PDLIM5: variants seen among roughly 807,000 people sequenced by gnomAD.
PDLIM5 encodes the protein PDZ and LIM domain 5.
A neutral mutation model predicts 64.2 loss-of-function variants in PDLIM5; 34 were observed. That is an observed-to-expected ratio of 0.53 (90% CI 0.40 to 0.71). PDLIM5 has a LOEUF of 0.71. Among genes scored for constraint, PDLIM5 ranks in the 30% least tolerant of loss-of-function variants. PDLIM5 has a pLI of 0.00. For synonymous variants in PDLIM5, 253 were observed against 269.1 expected, an observed-to-expected ratio of 0.94 and a Z score of 0.59; for missense variants, 683 against 733.6, an observed-to-expected ratio of 0.93 and a Z score of 0.80.
At chr4:94,580,262 C>T (rs763335635) in intron 5 of PDLIM5, among the ~76,000 whole-genome samples, 14 of 152,150 alleles carry the variant, frequency 9.2e-5, no homozygotes, top group South Asian at 4.1e-4. Context: ...TTATTCTGAA[C>T]GTGTACTAAA....
rs114957649 is a variant in PDLIM5 at position 94,459,745 on chromosome 4, T to G, written c.96+4361T>G. On this transcript the variant is annotated intron_variant, in intron 2 of 12. Coordinates refer to ENST00000317968, the MANE Select transcript of PDLIM5 (RefSeq NM_006457.5). Reference sequence around the variant, plus strand: ...TCAGTTTCAGTGGGTGTAAATCTTTTGTTTGTGGGGGTTGGTTTCCTTTAG... The same window carrying G: ...TCAGTTTCAGTGGGTGTAAATCTTTGGTTTGTGGGGGTTGGTTTCCTTTAG... 8.6e-3 allele frequency among the ~76,000 whole-genome samples: 1,305 copies of G among 152,316 alleles called. 17 individuals carry two copies. The highest frequency in any genetic ancestry group is 0.03 in the African/African-American group (1,242 of 41,558).
chr4:94,584,873 G>A, intron 5 of PDLIM5: 1 of 677,208 alleles, frequency 1.5e-6, no homozygotes, highest in African/African-American at 1.8e-5. Flanking sequence ...GTTTGATTTT[G>A]ACTACTATGG....
At chr4:94,563,633 C>T (rs1052901731) in intron 3 of PDLIM5, among the ~76,000 whole-genome samples, 3 of 152,100 alleles carry the variant, frequency 2.0e-5, no homozygotes, top group Non-Finnish European at 4.4e-5. Flanking sequence ...CAATTTAACA[C>T]GTTTAGCCTG....
chr4:94,584,740 A>G (rs1393240755), intron 5 of PDLIM5: 2 of 448,436 alleles, frequency 4.5e-6, no homozygotes, highest in South Asian at 3.9e-5. Context: ...TGAAGATTTG[A>G]TCATTTAATT....
At chr4:94,453,302 G>A (rs1413926585) in intron 1 of PDLIM5, among the ~76,000 whole-genome samples, 1 of 152,176 alleles carries the variant, frequency 6.6e-6, no homozygotes, top group African/African-American at 2.4e-5. Context: ...ATTGCTTGGG[G>A]CAGAGACTGT....
chr4:94,601,959 A>G (rs1002572274), intron 7 of PDLIM5, among the ~76,000 whole-genome samples: 8 of 152,236 alleles, frequency 5.3e-5, no homozygotes, highest in Non-Finnish European at 1.2e-4. Context: ...CATGCCTAGC[A>G]GTTTCCTTGG....
At chr4:94,538,970 T>C (rs1338389513) in intron 3 of PDLIM5, among the ~76,000 whole-genome samples, 1 of 152,128 alleles carries the variant, frequency 6.6e-6, no homozygotes, top group Non-Finnish European at 1.5e-5. Flanking sequence ...TTTGAGATTA[T>C]GAAAAGGAAG....
chr4:94,641,347 G>C (rs1028129140), intron 9 of PDLIM5, among the ~76,000 whole-genome samples: 23 of 152,154 alleles, frequency 1.5e-4, no homozygotes, highest in African/African-American at 4.6e-4. Flanking sequence ...ATGTTTCTAG[G>C]TAATATTTAA....
Position 94,649,525 on chromosome 4 carries a change from A to G in PDLIM5, c.1284-4935A>G, listed in dbSNP as rs548597632. Among the ~76,000 whole-genome samples the G allele has an allele frequency of 5.3e-5, 8 of 152,086 alleles. No individual in the cohort carries two copies. In the South Asian group the frequency reaches 1.7e-3, roughly 32 times the overall value. The stretch of plus-strand genomic sequence containing the variant: ...GCCTTTAATATCTAACATGCCATAT[A>G]TTTTATTTATCTTACTGTCATCTCC... On this transcript the variant is annotated intron_variant, in intron 9 of 12. Transcript: ENST00000317968.
intron 3 of PDLIM5, among the ~76,000 whole-genome samples, chr4:94,567,894 A>T (rs550142693): frequency 6.6e-6 from 1 of 152,322 alleles, no homozygotes; most frequent in South Asian, 2.1e-4. Context: ...AATGGGTGGT[A>T]TGGAAGTTCA....
At chr4:94,477,809 A>G (rs1043444153) in intron 2 of PDLIM5, among the ~76,000 whole-genome samples, 4 of 152,110 alleles carry the variant, frequency 2.6e-5, no homozygotes, top group Admixed American at 6.5e-5. Flanking sequence ...CCCCTGAGAC[A>G]GTGAGACCAA....
chr4:94,663,883 G>T, intron 12 of PDLIM5, 95 bp from the exon 13 acceptor site: 2 of 1,292,600 alleles, frequency 1.5e-6, no homozygotes, highest in East Asian at 2.6e-5. Flanking sequence ...TTATCCATTG[G>T]GGGGAAAAAT....
At chr4:94,579,513 CTT>C (rs1341567113) in intron 5 of PDLIM5, 1 of 1,352,632 alleles carries the variant, frequency 7.4e-7, no homozygotes, top group Non-Finnish European at 1.0e-6. Context: ...ATACTTTTCT[CTT>C]TGCAGAAAAC....
At chr4:94,487,421 C>G (rs974176313) in intron 2 of PDLIM5, among the ~76,000 whole-genome samples, 2 of 152,216 alleles carry the variant, frequency 1.3e-5, no homozygotes, top group African/African-American at 2.4e-5. Context: ...TTCAAGACCT[C>G]TGTCCTCCTG....
intron 8 of PDLIM5, among the ~76,000 whole-genome samples, chr4:94,630,440 C>G (rs186714553): frequency 1.3e-5 from 2 of 151,960 alleles, no homozygotes; most frequent in Non-Finnish European, 2.9e-5. Flanking sequence ...AGTGGCGTGA[C>G]CTGGGCTCAC....
chr4:94,657,321 A>G, intron 10 of PDLIM5, 106 bp from the exon 11 acceptor site: 1 of 700,096 alleles, frequency 1.4e-6, no homozygotes, highest in East Asian at 2.7e-5. Flanking sequence ...ATGTGTGCCT[A>G]CTTTGGATTA....
intron 2 of PDLIM5, among the ~76,000 whole-genome samples, chr4:94,510,214 C>T (rs1728750771): frequency 6.6e-6 from 1 of 152,134 alleles, no homozygotes; most frequent in South Asian, 2.1e-4. Context: ...AGATTATTCC[C>T]ACTCCTAGTT....
At chr4:94,613,637 T>A (rs565360867) in intron 7 of PDLIM5, among the ~76,000 whole-genome samples, 3 of 152,312 alleles carry the variant, frequency 2.0e-5, no homozygotes, top group African/African-American at 7.2e-5. Context: ...TCAGTCCCTG[T>A]TTATTTGGTA....
At chr4:94,542,233 A>G (rs906682004) in intron 3 of PDLIM5, among the ~76,000 whole-genome samples, 9 of 151,970 alleles carry the variant, frequency 5.9e-5, no homozygotes, top group African/African-American at 2.2e-4. Flanking sequence ...AATTGCTTGA[A>G]CCTGGGAGGC....
Sources: allele counts gnomAD v4.1 joint callset (sites outside exome capture counted in the v4.1 genomes callset), GRCh38; gene constraint gnomAD v4.1.1; transcripts MANE v1.5; gene names NCBI Gene and HGNC (gene_info 2026-07-23, HGNC 2026-07-21).